Variants in PLA1A observed in about 807,000 individuals in gnomAD.
The protein encoded by PLA1A is phospholipase A1 member A.
PLA1A carries 47 observed loss-of-function variants against 49.4 expected under a neutral mutation model. The observed-to-expected ratio is 0.95, with a 90% CI of 0.75 to 1.21. The LOEUF is 1.21. PLA1A is among the 50% of genes most tolerant of loss of function. The pLI is 0.00. For missense variants in PLA1A, 561 were observed against 563.9 expected, an observed-to-expected ratio of 0.99 and a Z score of 0.05; for synonymous variants, 224 against 207.9, an observed-to-expected ratio of 1.08 and a Z score of -0.67.
At chr3:119,603,338 A>G (rs1278413338) in intron 1 of PLA1A, among the ~76,000 whole-genome samples, 1 of 152,252 alleles carries the variant, frequency 6.6e-6, no homozygotes, top group Non-Finnish European at 1.5e-5. Flanking sequence ...TCTGATGGTC[A>G]AGCCAACAGA....
At chr3:119,608,308 G>A (rs1475279863) in intron 2 of PLA1A, among the ~76,000 whole-genome samples, 1 of 149,148 alleles carries the variant, frequency 6.7e-6, no homozygotes, top group African/African-American at 2.5e-5. Context: ...AAAAGAAAAT[G>A]TCCACAAAGA....
rs145449716 is a variant in PLA1A at position 119,606,720 on chromosome 3, A to G, written c.74-54A>G. On this transcript the variant is annotated intron_variant, in intron 1 of 10. Coordinates refer to ENST00000273371, the MANE Select transcript of PLA1A (RefSeq NM_015900.4). ...TTCCAAGGTCATCTTTCTTCCTTCT[A>G]AGAACAGATGACCTCACCTTGGATG... The G allele has an allele frequency of 1.1e-3, 1,582 of 1,439,660 alleles. 11 individuals are homozygous for G. In the African/African-American group the frequency reaches 0.02, roughly 18 times the overall value. 89.2% of individuals were successfully genotyped at this position (1,439,660 alleles called of 1,614,324 possible).
intron 9 of PLA1A, among the ~76,000 whole-genome samples, chr3:119,626,640 T>C (rs1394783388): frequency 6.6e-6 from 1 of 151,942 alleles, no homozygotes; most frequent in African/African-American, 2.4e-5. Flanking sequence ...AGTGATGAGA[T>C]CAGATGTGAG....
At chr3:119,602,242 A>G (rs2082626673) in intron 1 of PLA1A, among the ~76,000 whole-genome samples, 1 of 152,194 alleles carries the variant, frequency 6.6e-6, no homozygotes, top group Admixed American at 6.5e-5. Flanking sequence ...CTAGGGATCA[A>G]TAGAATTCCT....
In PLA1A at chr3:119,628,870, G is replaced by A; in HGVS notation, c.1286+5G>A. On this transcript the variant is annotated splice_donor_5th_base_variant and intron_variant, in intron 10 of 10. Transcript: ENST00000273371. Reference sequence around the variant, plus strand: ...CCTTTTGCCTGTCAATGACAGGTAAGCCCCAGTATTCACCTCTGCACCAGA... The same window carrying A: ...CCTTTTGCCTGTCAATGACAGGTAAACCCCAGTATTCACCTCTGCACCAGA... 1 of 1,610,398 alleles carries A rather than the reference G, an allele frequency of 6.2e-7. No homozygotes were observed. The highest frequency in any genetic ancestry group is 8.5e-7 in the Non-Finnish European group (1 of 1,176,728).
chr3:119,606,339 C>A (rs1398324712), intron 1 of PLA1A, among the ~76,000 whole-genome samples: 3 of 152,178 alleles, frequency 2.0e-5, no homozygotes, highest in African/African-American at 7.2e-5. Flanking sequence ...CAAATTTCCT[C>A]TTTATATAAA....
At chr3:119,605,028 G>T (rs1560077026) in intron 1 of PLA1A, among the ~76,000 whole-genome samples, 1 of 152,224 alleles carries the variant, frequency 6.6e-6, no homozygotes, top group African/African-American at 2.4e-5. Context: ...ATGGATGCAG[G>T]CTGCCCTATA....
At chr3:119,624,412 C>T (rs2082987606) in intron 8 of PLA1A, among the ~76,000 whole-genome samples, 1 of 152,188 alleles carries the variant, frequency 6.6e-6, no homozygotes, top group Non-Finnish European at 1.5e-5. Context: ...TCAGTTTAAA[C>T]ATGAACTCGG....
At chr3:119,622,202 AAGAAGAAGG>A (rs1164885893) in intron 8 of PLA1A, among the ~76,000 whole-genome samples, 2,136 of 38,620 alleles carry the variant, frequency 0.055, 63 homozygotes, top group African/African-American at 0.15. Context: ...GAAGAAGAAG[AAGAAGAAGG>A]AGACAGAATC....
chr3:119,608,699 T>C, intron 2 of PLA1A, 71 bp from the exon 3 acceptor site: 4 of 1,173,936 alleles, frequency 3.4e-6, no homozygotes, highest in Admixed American at 1.9e-5. Context: ...TTGAGATTAA[T>C]AGAGGTTTCC....
chr3:119,618,866 G>T lies in PLA1A; in HGVS notation c.922+680G>T, dbSNP rs576317574. On this transcript the variant is annotated intron_variant, in intron 7 of 10. Transcript: ENST00000273371. ...CCCTGGCTGCCACTCAACTGCAGCA[G>T]CCTGTCACTGCTTATATGAGTGAAA... Among the ~76,000 whole-genome samples the T allele has an allele frequency of 2.6e-5, 4 of 152,284 alleles. No individual in the cohort carries two copies. In the East Asian group the frequency reaches 7.7e-4, roughly 29 times the overall value.
intron 8 of PLA1A, among the ~76,000 whole-genome samples, chr3:119,622,149 G>A (rs7640161): frequency 2.0e-4 from 25 of 126,280 alleles, no homozygotes; most frequent in African/African-American, 5.7e-4. Context: ...AGGAGGAGGA[G>A]GAAGAAGAAG....
intron 1 of PLA1A, chr3:119,600,476 G>A: frequency 2.9e-6 from 2 of 694,976 alleles, no homozygotes; most frequent in Non-Finnish European, 5.2e-6. Flanking sequence ...CCTATTTGCT[G>A]TGGGGCCTGC....
intron 2 of PLA1A, among the ~76,000 whole-genome samples, chr3:119,608,416 G>A (rs1421653917): frequency 1.3e-5 from 2 of 152,170 alleles, no homozygotes; most frequent in East Asian, 1.9e-4. Flanking sequence ...CACAAATGGA[G>A]CAATGCAATG....
chr3:119,608,150 GAGAA>G (rs751227371), intron 2 of PLA1A, among the ~76,000 whole-genome samples: 2 of 149,902 alleles, frequency 1.3e-5, no homozygotes, highest in Non-Finnish European at 1.5e-5. Flanking sequence ...GGGTGAATGA[GAGAA>G]AGAAAGGGAG....
At chr3:119,603,008 C>A (rs1307581394) in intron 1 of PLA1A, among the ~76,000 whole-genome samples, 1 of 152,138 alleles carries the variant, frequency 6.6e-6, no homozygotes, top group African/African-American at 2.4e-5. Context: ...GCAAGGAGAA[C>A]TACTGGCTGC....
chr3:119,613,669 G>A (rs2082800729), intron 5 of PLA1A, among the ~76,000 whole-genome samples: 1 of 152,220 alleles, frequency 6.6e-6, no homozygotes, highest in Admixed American at 6.5e-5. Context: ...CAAGGCAGGT[G>A]GATCAGGAGG....
chr3:119,629,503 T>TC lies in PLA1A; in HGVS notation c.*35_*36insC. ...GGCAGGACACATCTCCCTGCATTTT[T>TC]TTTTTTTTTTTGAGAGAGAGGTGTG... On this transcript the variant is annotated 3_prime_UTR_variant, in exon 11 of 11. Coordinates refer to ENST00000273371, the MANE Select transcript of PLA1A (RefSeq NM_015900.4). 8.4e-7 allele frequency: 1 copy of TC among 1,194,072 alleles called. No homozygotes were observed. The allele number at this position is 1,194,072 out of a possible 1,614,324, so 74.0% of individuals were successfully genotyped here. A position where few individuals can be genotyped will look rare whatever the true frequency, so the allele number is the denominator to read the frequency against.
intron 1 of PLA1A, among the ~76,000 whole-genome samples, chr3:119,599,404 G>A (rs763937212): frequency 3.3e-5 from 5 of 152,130 alleles, no homozygotes; most frequent in Admixed American, 3.3e-4. Flanking sequence ...TGTGGGTCCC[G>A]TTCTGAGAAG....
Sources: allele counts gnomAD v4.1 joint callset (sites outside exome capture counted in the v4.1 genomes callset), GRCh38; gene constraint gnomAD v4.1.1; transcripts MANE v1.5; gene names NCBI Gene and HGNC (gene_info 2026-07-23, HGNC 2026-07-21).